Variants in KIAA1217 observed in about 807,000 individuals in gnomAD.
The protein encoded by KIAA1217 is KIAA1217.
A neutral mutation model predicts 163.9 loss-of-function variants in KIAA1217; 88 were observed. The ratio of observed to expected loss-of-function variants is 0.54; its 90% CI spans 0.45 to 0.64. KIAA1217 has a LOEUF of 0.64. Ranked by LOEUF, KIAA1217 falls within the 30% of genes least tolerant of loss-of-function variation. The pLI is 0.00. For missense variants in KIAA1217, 2,372 were observed against 2,475.0 expected (o/e 0.96, Z 0.88); for synonymous variants, 903 against 923.1 (o/e 0.98, Z 0.39).
Position 24,219,857 on chromosome 10 carries a change from AC to A in KIAA1217, c.307del (p.His103ThrfsTer13). 6.2e-7 allele frequency: 1 copy of A among 1,613,226 alleles called. No individual in the cohort carries two copies. Among genetic ancestry groups the A allele is most frequent in the Non-Finnish European group, 8.5e-7 (1 of 1,179,580 alleles). ...TTCCTAGAACATCTGAAGCAGAAGT[AC>A]CCCCACCACGCCTCTGCAATCATGG... ...EAFLEHLKQK[Y>X]PHHASAIMGH... On this transcript the variant is annotated frameshift_variant, in exon 2 of 21. Coordinates refer to ENST00000376454, the MANE Select transcript of KIAA1217 (RefSeq NM_019590.5). LOFTEE classifies it high-confidence loss of function.
At chr10:23,730,201 T>C (rs12778410) in intron 1 of KIAA1217, among the ~76,000 whole-genome samples, 33,221 of 152,150 alleles carry the variant, frequency 0.22, 3,853 homozygotes, top group Middle Eastern at 0.29. Flanking sequence ...ATGCCCGGCT[T>C]CTATGAATTT....
chr10:24,164,906 C>G (rs2065276243), intron 2 of KIAA1217, among the ~76,000 whole-genome samples: 1 of 152,158 alleles, frequency 6.6e-6, no homozygotes, highest in African/African-American at 2.4e-5. Flanking sequence ...GGGATACTCT[C>G]CCCTGGAGAC....
chr10:24,473,625 T>C lies in KIAA1217; in HGVS notation c.1244T>C (p.Leu415Pro), dbSNP rs1161357730. Residue 415 changes from leucine to proline, a missense_variant, in exon 6 of 21, where the codon CTG (leucine) becomes CCG (proline). Coordinates refer to ENST00000376454, the MANE Select transcript of KIAA1217 (RefSeq NM_019590.5). The stretch of plus-strand genomic sequence containing the variant: ...GCCTCATCCCATGGTGGACACCCAC[T>C]GGATGTCCCCGACCACATCATTGCA... ...SIASSHGGHP[L>P]DVPDHIIAYH... The C allele has an allele frequency of 6.2e-7, 1 of 1,614,178 alleles. No homozygotes were observed. The highest frequency in any genetic ancestry group is 1.3e-5 in the African/African-American group (1 of 75,062).
At chr10:24,115,446 GA>G (rs566674085) in intron 2 of KIAA1217, among the ~76,000 whole-genome samples, 9 of 151,932 alleles carry the variant, frequency 5.9e-5, no homozygotes, top group African/African-American at 1.9e-4. Flanking sequence ...GCTATTCTGG[GA>G]AAAAAAATGT....
intron 3 of KIAA1217, among the ~76,000 whole-genome samples, chr10:24,431,317 T>C (rs1459812512): frequency 6.6e-6 from 1 of 152,212 alleles, no homozygotes; most frequent in African/African-American, 2.4e-5. Context: ...AAGACTCAAA[T>C]TCAGTGTCAG....
chr10:23,777,706 G>C (rs1212721342), intron 1 of KIAA1217, among the ~76,000 whole-genome samples: 2 of 151,734 alleles, frequency 1.3e-5, no homozygotes, highest in African/African-American at 4.8e-5. Context: ...AAAAAATAAA[G>C]ATGCATGAAG....
intron 2 of KIAA1217, among the ~76,000 whole-genome samples, chr10:24,320,618 G>A (rs2133281936): frequency 6.6e-6 from 1 of 152,280 alleles, no homozygotes; most frequent in East Asian, 1.9e-4. Context: ...TGTTGGCTGA[G>A]AAAACACTGT....
chr10:23,840,300 T>G (rs1838709502), intron 1 of KIAA1217, among the ~76,000 whole-genome samples: 3 of 151,992 alleles, frequency 2.0e-5, no homozygotes, highest in Non-Finnish European at 4.4e-5. Context: ...GGAATACAGA[T>G]GCCTGCCACC....
chr10:23,745,316 A>G (rs548397845), intron 1 of KIAA1217, among the ~76,000 whole-genome samples: 28 of 152,362 alleles, frequency 1.8e-4, no homozygotes, highest in African/African-American at 6.5e-4. Flanking sequence ...AATTATTTGA[A>G]AGCACATTAT....
At chr10:23,965,757 T>G (rs1345583361) in intron 1 of KIAA1217, among the ~76,000 whole-genome samples, 2 of 152,156 alleles carry the variant, frequency 1.3e-5, no homozygotes, top group Non-Finnish European at 2.9e-5. Flanking sequence ...TGTGGTGACC[T>G]GGAGTTATAT....
rs371520976 is a variant in KIAA1217 at position 24,257,517 on chromosome 10, C to T, written c.354+37608C>T. ...TGATTCCCTCATCCCATCCCAGGACCCTTTTTTAGTTGCATTACCACCTAG... is the reference window on the plus strand; with the variant it reads ...TGATTCCCTCATCCCATCCCAGGACTCTTTTTTAGTTGCATTACCACCTAG... On this transcript the variant is annotated intron_variant, in intron 2 of 20. Transcript: ENST00000376454. Among the ~76,000 whole-genome samples, 18 of 152,204 alleles carry T rather than the reference C, an allele frequency of 1.2e-4. 1 individual carries two copies. Among genetic ancestry groups the T allele is most frequent in the Admixed American group, 1.0e-3 (16 of 15,276 alleles).
chr10:23,814,518 T>C (rs1312960005), intron 1 of KIAA1217, among the ~76,000 whole-genome samples: 7 of 152,190 alleles, frequency 4.6e-5, no homozygotes, highest in Non-Finnish European at 7.3e-5. Flanking sequence ...ACAGCAAGCA[T>C]TGGGGATGAC....
chr10:23,894,794 T>C (rs994264749), intron 1 of KIAA1217, among the ~76,000 whole-genome samples: 2 of 150,578 alleles, frequency 1.3e-5, no homozygotes, highest in Admixed American at 6.6e-5. Context: ...AAAACAGAGA[T>C]ATAGATCAAT....
chr10:24,470,659 G>C (rs978749934), intron 5 of KIAA1217, among the ~76,000 whole-genome samples: 5 of 152,124 alleles, frequency 3.3e-5, no homozygotes, highest in African/African-American at 1.2e-4. Flanking sequence ...TTGTAATTGT[G>C]AGGGAGGAGC....
At chr10:23,886,730 G>A (rs1841191357) in intron 1 of KIAA1217, among the ~76,000 whole-genome samples, 1 of 151,794 alleles carries the variant, frequency 6.6e-6, no homozygotes, top group Admixed American at 6.6e-5. Flanking sequence ...TTTTAGACTG[G>A]GTGGTTATGG....
chr10:24,547,065 T>TC lies in KIAA1217; in HGVS notation c.*741_*742insC, dbSNP rs1190624436. The TC allele has an allele frequency of 5.3e-5, 8 of 150,958 alleles. No homozygotes were observed. Among genetic ancestry groups the TC allele is most frequent in the African/African-American group, 1.9e-4 (8 of 41,164 alleles). 9.4% of individuals were successfully genotyped at this position (150,958 alleles called of 1,614,324 possible). On this transcript the variant is annotated 3_prime_UTR_variant, in exon 21 of 21. Transcript: ENST00000376454. ...CTTTCTTTTTTCCTTCCTTTTTTTT[T>TC]TTTTTTTCTTTTTTAACATGTTGAG...
chr10:24,314,919 G>A (rs1378467884), intron 2 of KIAA1217, among the ~76,000 whole-genome samples: 1 of 152,032 alleles, frequency 6.6e-6, no homozygotes, highest in African/African-American at 2.4e-5. Context: ...ACTCCAGCCT[G>A]GGCGACAGAG....
chr10:23,750,937 CT>C (rs2058662367), intron 1 of KIAA1217, among the ~76,000 whole-genome samples: 2 of 151,852 alleles, frequency 1.3e-5, no homozygotes, highest in African/African-American at 4.8e-5. Context: ...AAGATAATTC[CT>C]TTCCCTTCCC....
At chr10:24,141,232 C>T (rs1312061420) in intron 2 of KIAA1217, among the ~76,000 whole-genome samples, 1 of 124,068 alleles carries the variant, frequency 8.1e-6, no homozygotes, top group Non-Finnish European at 1.7e-5. Flanking sequence ...TAAACCCCCC[C>T]CCCCCATTTC....
Sources: allele counts gnomAD v4.1 joint callset (sites outside exome capture counted in the v4.1 genomes callset), GRCh38; gene constraint gnomAD v4.1.1; transcripts MANE v1.5; gene names NCBI Gene and HGNC (gene_info 2026-07-23, HGNC 2026-07-21).